Variants in TEF observed in about 807,000 individuals in gnomAD.
The protein encoded by TEF is thyrotroph embryonic factor.
Under a neutral mutation model 20.8 loss-of-function variants are expected in TEF, and 3 were observed. That is an observed-to-expected ratio of 0.14 (90% CI 0.07 to 0.37). The LOEUF is 0.37. TEF is among the 10% of genes least tolerant of loss of function. The pLI, the probability that TEF is intolerant of heterozygous loss-of-function variation, is 1.00. For synonymous variants in TEF, 180 were observed against 171.1 expected, an observed-to-expected ratio of 1.05 and a Z score of -0.41; for missense variants, 296 against 397.9, an observed-to-expected ratio of 0.74 and a Z score of 2.18.
chr22:41,391,866 A>G (rs1358086126), intron 2 of TEF, among the ~76,000 whole-genome samples: 1 of 152,100 alleles, frequency 6.6e-6, no homozygotes, highest in Non-Finnish European at 1.5e-5. Context: ...CGTGATCCAC[A>G]CGCCTCGGCC....
rs765664755 is a variant in TEF, at chr22:41,398,579, G to A, written c.*2619G>A. 3.9e-5 allele frequency: 6 copies of A among 153,492 alleles called. No homozygotes were observed. The highest frequency in any genetic ancestry group is 8.8e-5 in the Non-Finnish European group (6 of 68,054). The allele number at this position is 153,492 out of a possible 1,614,324, so 9.5% of individuals were successfully genotyped here. A position where few individuals can be genotyped will look rare whatever the true frequency, so the allele number is the denominator to read the frequency against. The stretch of plus-strand genomic sequence containing the variant: ...TAAATGTCTCATCTGATGGAGGAAC[G>A]TGTGCATTTAGAGAGAGGGAGAGTT... On this transcript the variant is annotated 3_prime_UTR_variant, in exon 4 of 4. Transcript: ENST00000266304.
chr22:41,372,937 A>G (rs186110129), intron 1 of TEF, among the ~76,000 whole-genome samples: 7 of 152,222 alleles, frequency 4.6e-5, no homozygotes, highest in African/African-American at 1.7e-4. Context: ...CTGAGGAATA[A>G]AAGGCCACCA....
chr22:41,395,464 A>G (rs1466628346), intron 3 of TEF, among the ~76,000 whole-genome samples: 1 of 152,186 alleles, frequency 6.6e-6, no homozygotes, highest in Non-Finnish European at 1.5e-5. Flanking sequence ...GGGTGTGGAC[A>G]GTGCAATGCT....
chr22:41,391,962 A>G (rs1396238944), intron 2 of TEF, among the ~76,000 whole-genome samples: 1 of 152,124 alleles, frequency 6.6e-6, no homozygotes, highest in African/African-American at 2.4e-5. Flanking sequence ...ATCTTGTGTA[A>G]TGCAGCTTTC....
chr22:41,392,590 C>T (rs1162440413), intron 2 of TEF, among the ~76,000 whole-genome samples: 1 of 144,524 alleles, frequency 6.9e-6, no homozygotes, highest in Non-Finnish European at 1.5e-5. Flanking sequence ...AGGAGAATAG[C>T]TTGAACCCAG....
At chr22:41,378,129 A>G (rs924060376), upstream of TEF, among the ~76,000 whole-genome samples, 4 of 151,382 alleles carry the variant, frequency 2.6e-5, no homozygotes, top group African/African-American at 7.3e-5. Context: ...CCTCATGGCC[A>G]AACTAGCAGG....
At chr22:41,372,043 C>CT (rs1377268030) in intron 1 of TEF, among the ~76,000 whole-genome samples, 12 of 152,178 alleles carry the variant, frequency 7.9e-5, no homozygotes, top group Non-Finnish European at 1.8e-4. Flanking sequence ...CAGAGCAAAA[C>CT]TGAGAAATCG....
At chr22:41,392,670 CAAAAAAAAAAAA>C (rs920294546) in intron 2 of TEF, among the ~76,000 whole-genome samples, 2 of 39,328 alleles carry the variant, frequency 5.1e-5, no homozygotes, top group Admixed American at 2.6e-4. Context: ...TGAGACTCTT[CAAAAAAAAAAAA>C]AAAAAAAAAA....
intron 1 of TEF, 100 bp from the exon 2 acceptor site, chr22:41,387,250 GC>G (rs2037108983): frequency 1.6e-6 from 2 of 1,284,256 alleles, no homozygotes; most frequent in African/African-American, 1.5e-5. Flanking sequence ...TGGAATCGGG[GC>G]TCTGAGAAAG....
intron 2 of TEF, among the ~76,000 whole-genome samples, chr22:41,391,330 TC>T (rs2037162956): frequency 7.0e-6 from 1 of 142,964 alleles, no homozygotes; most frequent in Admixed American, 8.1e-5. Context: ...GATCTTCTTT[TC>T]TTTTTTTTTT....
chr22:41,382,283 G>T (rs2037040694), intron 1 of TEF, 82 bp downstream of exon 1: 2 of 1,125,632 alleles, frequency 1.8e-6, no homozygotes, highest in Admixed American at 4.3e-5. Context: ...GGCCGGGGAG[G>T]CAGTGGGTCA....
chr22:41,389,034 G>A (rs951162757), intron 2 of TEF, among the ~76,000 whole-genome samples: 3 of 151,912 alleles, frequency 2.0e-5, no homozygotes, highest in African/African-American at 4.8e-5. Flanking sequence ...AAAACATAAC[G>A]AAAATACTAG....
At chr22:41,367,575 C>T (rs1339542003) in exon 1 of TEF, 3 of 1,551,466 alleles carry the variant, frequency 1.9e-6, no homozygotes, top group Admixed American at 3.9e-5. Context: ...GGAGCACTCT[C>T]TGCCTTGGCC....
chr22:41,388,834 C>T (rs1270112389), intron 2 of TEF, among the ~76,000 whole-genome samples: 1 of 152,028 alleles, frequency 6.6e-6, no homozygotes, highest in Non-Finnish European at 1.5e-5. Flanking sequence ...CCAATAAGTT[C>T]TCATACTCTA....
At chr22:41,389,567 C>T (rs568650837) in intron 2 of TEF, among the ~76,000 whole-genome samples, 67 of 152,006 alleles carry the variant, frequency 4.4e-4, no homozygotes, top group African/African-American at 1.0e-3. Context: ...TGCAGTGAGC[C>T]GAGATGGCGC....
intron 1 of TEF, among the ~76,000 whole-genome samples, chr22:41,368,178 G>C (rs934633264): frequency 7.2e-5 from 11 of 152,258 alleles, no homozygotes; most frequent in Admixed American, 6.5e-4. Context: ...CTGAGGGGCA[G>C]ACCTGGTGGC....
chr22:41,372,484 C>T (rs2036893359), intron 1 of TEF, among the ~76,000 whole-genome samples: 1 of 152,144 alleles, frequency 6.6e-6, no homozygotes, highest in Admixed American at 6.6e-5. Context: ...TGATCATCCA[C>T]TCTACGAATA....
chr22:41,377,799 A>G (rs772409565), upstream of TEF, among the ~76,000 whole-genome samples: 22 of 152,228 alleles, frequency 1.4e-4, no homozygotes, highest in Non-Finnish European at 2.5e-4. Flanking sequence ...GGGGAGTGTC[A>G]GTACATGAAC....
intron 1 of TEF, among the ~76,000 whole-genome samples, chr22:41,376,912 G>C (rs2036949257): frequency 6.6e-6 from 1 of 152,198 alleles, no homozygotes; most frequent in Non-Finnish European, 1.5e-5. Context: ...CATGTGGCTG[G>C]GTCAGAAACT....
Sources: gnomAD v4.1 joint callset for allele counts (sites outside exome capture counted in the v4.1 genomes callset) on GRCh38, gnomAD v4.1.1 for gene constraint, MANE v1.5 for transcripts, NCBI Gene and HGNC (gene_info 2026-07-23, HGNC 2026-07-21) for gene names.